The following KDM4B variants were observed in gnomAD, a reference collection of about 807,000 sequenced individuals.
KDM4B encodes the protein lysine demethylase 4B, also known as lysine-specific demethylase 4B.
KDM4B carries 32 observed loss-of-function variants against 125.2 expected under a neutral mutation model. That is an observed-to-expected ratio of 0.26 (90% CI 0.19 to 0.34). The LOEUF (loss-of-function observed/expected upper bound fraction) is 0.34. Ranked by LOEUF, KDM4B falls within the 10% of genes least tolerant of loss-of-function variation. The pLI is 1.00. For synonymous variants in KDM4B, 721 were observed against 677.9 expected, an observed-to-expected ratio of 1.06 and a Z score of -0.99; for missense variants, 1,190 against 1,577.7, an observed-to-expected ratio of 0.75 and a Z score of 4.16.
chr19:5,033,825 A>T (rs936672944), intron 3 of KDM4B, among the ~76,000 whole-genome samples: 1 of 151,912 alleles, frequency 6.6e-6, no homozygotes, highest in Non-Finnish European at 1.5e-5. Context: ...CCACATGCTG[A>T]GTATGTACAG....
intron 9 of KDM4B, among the ~76,000 whole-genome samples, chr19:5,101,688 C>T (rs1444502671): frequency 6.6e-6 from 1 of 150,752 alleles, no homozygotes; most frequent in Non-Finnish European, 1.5e-5. Context: ...GCGGGGAGGG[C>T]CTCACTTGTT....
chr19:5,151,283 C>G, intron 22 of KDM4B, 52 bp from the exon 23 acceptor site: 1 of 1,382,198 alleles, frequency 7.2e-7, no homozygotes, highest in East Asian at 2.9e-5. Flanking sequence ...GTGGCTGGGG[C>G]CGCACAGAGT....
intron 9 of KDM4B, among the ~76,000 whole-genome samples, chr19:5,084,360 AT>A (rs2038403379): frequency 1.4e-5 from 2 of 144,642 alleles, no homozygotes; most frequent in Admixed American, 7.1e-5. Context: ...TAATTTATAT[AT>A]TGTATATAAT....
chr19:5,023,926 T>A (rs2036202335), intron 2 of KDM4B, among the ~76,000 whole-genome samples: 1 of 151,962 alleles, frequency 6.6e-6, no homozygotes, highest in Non-Finnish European at 1.5e-5. Flanking sequence ...GGCTGATTTT[T>A]AAATTTTTTG....
chr19:5,107,258 C>T (rs1387533317), intron 9 of KDM4B, among the ~76,000 whole-genome samples: 1 of 152,262 alleles, frequency 6.6e-6, no homozygotes, highest in African/African-American at 2.4e-5. Context: ...CCTTTGGGGG[C>T]CGCGCAGACC....
At position 5,153,025 on chromosome 19, in the gene KDM4B, A is replaced by C. The variant is rs1378485204; in HGVS notation, c.*1514A>C. 1 of 152,998 alleles carries C rather than the reference A, an allele frequency of 6.5e-6. No homozygotes were observed. The highest frequency in any genetic ancestry group is 1.5e-5 in the Non-Finnish European group (1 of 68,868). 9.5% of individuals were successfully genotyped at this position (152,998 alleles called of 1,614,324 possible). Reference sequence around the variant, plus strand: ...TGCACCACTGCACTCCAGCCTGGGCAACAGAGCGAGACCCTGTCTCCAAAA... The same window carrying C: ...TGCACCACTGCACTCCAGCCTGGGCCACAGAGCGAGACCCTGTCTCCAAAA... On this transcript the variant is annotated 3_prime_UTR_variant, in exon 23 of 23. Coordinates refer to ENST00000159111, the MANE Select transcript of KDM4B (RefSeq NM_015015.3).
At chr19:5,143,818 G>A in intron 18 of KDM4B, 149 bp from the exon 19 acceptor site, 1 of 647,650 alleles carries the variant, frequency 1.5e-6, no homozygotes, top group Non-Finnish European at 2.6e-6. Context: ...CGGGCTCTGG[G>A]CTGTGGAGGG....
At chr19:5,138,695 T>TCTG (rs1445551873) in intron 18 of KDM4B, among the ~76,000 whole-genome samples, 1 of 152,070 alleles carries the variant, frequency 6.6e-6, no homozygotes, top group Admixed American at 6.5e-5. Context: ...TAGCGTGAGA[T>TCTG]CTGCCCTCTT....
Position 5,111,259 on chromosome 19 carries a change from G to C in KDM4B, c.1115+441G>C. On this transcript the variant is annotated intron_variant, in intron 10 of 22. Transcript: ENST00000159111. ...CCTCCCTGGCGCTGAGAGCAGTCGGGTTCCCTGCAAGGACTCAACGGGGCA... is the reference window on the plus strand; with the variant it reads ...CCTCCCTGGCGCTGAGAGCAGTCGGCTTCCCTGCAAGGACTCAACGGGGCA... 7.5e-6 allele frequency: 5 copies of C among 665,640 alleles called. No homozygotes were observed. The South Asian group carries it at 8.6e-5, about 11-fold the overall frequency. 41.2% of individuals were successfully genotyped at this position (665,640 alleles called of 1,614,324 possible).
At chr19:5,016,794 G>A (rs1472218154) in intron 2 of KDM4B, among the ~76,000 whole-genome samples, 1 of 152,220 alleles carries the variant, frequency 6.6e-6, no homozygotes. Context: ...TGCCTTTGAG[G>A]TAGTTCCATG....
At chr19:5,089,387 G>A (rs1319113566) in intron 9 of KDM4B, among the ~76,000 whole-genome samples, 1 of 152,196 alleles carries the variant, frequency 6.6e-6, no homozygotes, top group Non-Finnish European at 1.5e-5. Flanking sequence ...AGCCCCGTTT[G>A]TTGTAGTGGA....
In KDM4B at chr19:5,041,147, C is replaced by A; in HGVS notation, c.328C>A (p.Pro110Thr). Residue 110 changes from proline to threonine, a missense_variant, in exon 5 of 23, where the codon CCG (proline) becomes ACG (threonine). Transcript: ENST00000159111. Reference sequence around the variant, plus strand: ...GTGTTTGTTCACCAGGTACTGTACCCCGCGGCACCAGGACTTTGATGACCT... The same window carrying A: ...GTGTTTGTTCACCAGGTACTGTACCACGCGGCACCAGGACTTTGATGACCT... Reference protein sequence around the residue: ...RLANSEKYCTPRHQDFDDLER... With the variant: ...RLANSEKYCTTRHQDFDDLER... 1 of 1,611,440 alleles carries A rather than the reference C, an allele frequency of 6.2e-7. No homozygotes were observed.
At chr19:5,048,076 T>C (rs897723158) in intron 6 of KDM4B, among the ~76,000 whole-genome samples, 8 of 152,196 alleles carry the variant, frequency 5.3e-5, no homozygotes, top group Non-Finnish European at 1.0e-4. Flanking sequence ...AGGATGACCC[T>C]GCAGCCGCTC....
At chr19:4,991,265 C>G (rs1015913725) in intron 1 of KDM4B, among the ~76,000 whole-genome samples, 1 of 151,780 alleles carries the variant, frequency 6.6e-6, no homozygotes, top group Middle Eastern at 3.4e-3. Context: ...CCCTGCCCTA[C>G]CCCCATCTGT....
At chr19:5,004,089 C>T (rs573065953) in intron 1 of KDM4B, among the ~76,000 whole-genome samples, 3 of 152,324 alleles carry the variant, frequency 2.0e-5, no homozygotes, top group African/African-American at 7.2e-5. Context: ...GAAGTTAATA[C>T]GTGGCAGTAA....
chr19:5,148,956 C>T (rs2039898582), intron 21 of KDM4B, among the ~76,000 whole-genome samples: 1 of 152,250 alleles, frequency 6.6e-6, no homozygotes, highest in Non-Finnish European at 1.5e-5. Context: ...GTGCTGTCGT[C>T]CCAGGACACG....
At chr19:5,119,934 C>G in intron 11 of KDM4B, 82 bp downstream of exon 11, 1 of 1,444,028 alleles carries the variant, frequency 6.9e-7, no homozygotes. Context: ...GTGCCTGCTA[C>G]AGCCAGAGTC....
intron 11 of KDM4B, among the ~76,000 whole-genome samples, chr19:5,125,345 A>AG (rs1397030890): frequency 2.0e-5 from 3 of 152,118 alleles, no homozygotes; most frequent in African/African-American, 7.2e-5. Flanking sequence ...GTCCTGAACC[A>AG]GGGGGTCCTG....
chr19:4,999,723 AC>A (rs2035308503), intron 1 of KDM4B, among the ~76,000 whole-genome samples: 1 of 136,364 alleles, frequency 7.3e-6, no homozygotes. Context: ...CCACCTGTCC[AC>A]CCACCCACCC....
Sources: allele counts gnomAD v4.1 joint callset (sites outside exome capture counted in the v4.1 genomes callset), GRCh38; gene constraint gnomAD v4.1.1; transcripts MANE v1.5; gene names NCBI Gene and HGNC (gene_info 2026-07-23, HGNC 2026-07-21).